RIMS2: variants seen among roughly 807,000 people sequenced by gnomAD.
The protein encoded by RIMS2 is regulating synaptic membrane exocytosis protein 2.
In RIMS2, 59 loss-of-function variants were observed where a neutral mutation model predicts 174.4. That is an observed-to-expected ratio of 0.34 (90% confidence interval 0.27 to 0.42). RIMS2 has a LOEUF of 0.42. Ranked by LOEUF, RIMS2 falls within the 10% of genes least tolerant of loss-of-function variation. The pLI, the probability that RIMS2 is intolerant of heterozygous loss-of-function variation, is 1.00. For synonymous variants in RIMS2, 606 were observed against 572.5 expected (o/e 1.06, Z -0.84); for missense variants, 1,620 against 1,666.3 (o/e 0.97, Z 0.48).
rs1388140327 is a variant in RIMS2, at chr8:103,785,191, G to T, written c.698+18654G>T. On this transcript the variant is annotated intron_variant, in intron 3 of 23. Coordinates refer to ENST00000504942, the Ensembl canonical transcript of RIMS2. ...TGGGCTGAGACGATGGGGTTTTCTA[G>T]ATATACAATCATGTCATCTGCAAAC... is the stretch of plus-strand genomic sequence containing the variant. 8.2e-3 allele frequency among the ~76,000 whole-genome samples: 1,194 copies of T among 145,854 alleles called. 23 individuals are homozygous for T. Among genetic ancestry groups the T allele is most frequent in the Non-Finnish European group, 0.013 (871 of 66,160 alleles).
intron 14 of RIMS2, among the ~76,000 whole-genome samples, chr8:103,959,372 T>C (rs907614114): frequency 2.0e-5 from 3 of 152,086 alleles, no homozygotes; most frequent in African/African-American, 7.2e-5. Flanking sequence ...CTGCTTTTAA[T>C]CTCTATTGTT....
At chr8:103,981,011 C>T (rs568454222) in intron 16 of RIMS2, among the ~76,000 whole-genome samples, 12 of 152,266 alleles carry the variant, frequency 7.9e-5, no homozygotes, top group East Asian at 1.9e-4. Context: ...CTTACCACCC[C>T]GAAGAGAAGT....
chr8:103,880,114 G>C (rs1182945704), intron 3 of RIMS2, among the ~76,000 whole-genome samples: 1 of 151,628 alleles, frequency 6.6e-6, no homozygotes, highest in Non-Finnish European at 1.5e-5. Flanking sequence ...TAATTGAAAA[G>C]AAGTTACAGA....
At chr8:103,867,187 T>C (rs2099088206) in intron 3 of RIMS2, among the ~76,000 whole-genome samples, 1 of 151,954 alleles carries the variant, frequency 6.6e-6, no homozygotes, top group South Asian at 2.1e-4. Flanking sequence ...TAGCCAGTTA[T>C]AGTTTCAGAA....
intron 19 of RIMS2, among the ~76,000 whole-genome samples, chr8:104,197,057 A>G (rs1426150407): frequency 6.6e-6 from 1 of 152,152 alleles, no homozygotes; most frequent in Non-Finnish European, 1.5e-5. Context: ...AAATTAAGAC[A>G]TATGTCTCTT....
intron 19 of RIMS2, among the ~76,000 whole-genome samples, chr8:104,042,260 A>G (rs1404744276): frequency 6.6e-6 from 1 of 151,574 alleles, no homozygotes; most frequent in East Asian, 1.9e-4. Flanking sequence ...TGTAGAGAGC[A>G]TTTCAGGCAG....
chr8:103,835,074 G>A (rs1265179710), intron 3 of RIMS2, among the ~76,000 whole-genome samples: 1 of 149,412 alleles, frequency 6.7e-6, no homozygotes, highest in Non-Finnish European at 1.5e-5. Flanking sequence ...ATCTGGCCAA[G>A]ACTGAGTTTT....
intron 1 of RIMS2, among the ~76,000 whole-genome samples, chr8:103,587,468 G>A (rs1468214529): frequency 3.1e-5 from 3 of 96,344 alleles, no homozygotes; most frequent in Admixed American, 1.0e-4. Context: ...AAGAAAGAAA[G>A]AAACTATGCA....
intron 2 of RIMS2, among the ~76,000 whole-genome samples, chr8:103,706,864 T>G (rs1383003288): frequency 2.6e-5 from 4 of 152,204 alleles, no homozygotes; most frequent in Admixed American, 2.0e-4. Context: ...ATTATTTCTT[T>G]AAATACATTT....
At chr8:104,194,421 A>T (rs927793859) in intron 19 of RIMS2, among the ~76,000 whole-genome samples, 1 of 152,222 alleles carries the variant, frequency 6.6e-6, no homozygotes, top group African/African-American at 2.4e-5. Flanking sequence ...AAACATCTTT[A>T]AATAAAGACT....
At chr8:104,207,746 G>C (rs950473478) in intron 19 of RIMS2, among the ~76,000 whole-genome samples, 1 of 151,874 alleles carries the variant, frequency 6.6e-6, no homozygotes, top group Non-Finnish European at 1.5e-5. Context: ...TCAGGAGGCA[G>C]AGATTGCAGT....
chr8:103,635,250 G>T lies in RIMS2; in HGVS notation c.177-61836G>T, dbSNP rs538597709. Among the ~76,000 whole-genome samples the T allele has an allele frequency of 2.5e-4, 38 of 152,326 alleles. No homozygotes were observed. In the South Asian group the frequency reaches 7.9e-3, roughly 32 times the overall value. On this transcript the variant is annotated intron_variant, in intron 1 of 23. Transcript: ENST00000504942. ...TGCTTCTTTCAAGATGTCTTGTGAG[G>T]CAGGTTTGGTGGTAAGGAAGTTTCT... is the stretch of plus-strand genomic sequence containing the variant.
intron 1 of RIMS2, among the ~76,000 whole-genome samples, chr8:103,528,297 T>C (rs1835108688): frequency 6.6e-6 from 1 of 152,184 alleles, no homozygotes; most frequent in Admixed American, 6.5e-5. Flanking sequence ...ATTAGCTGTT[T>C]GTCAGATCAG....
rs142629833 is a variant in RIMS2 at position 104,226,570 on chromosome 8, C to T, written c.3335-18346C>T. Among the ~76,000 whole-genome samples, 47 of 152,222 alleles carry T rather than the reference C, an allele frequency of 3.1e-4. 1 individual carries two copies. The highest frequency in any genetic ancestry group is 8.9e-4 in the African/African-American group (37 of 41,520). ...TTCCCTCTCAGAGCTTTCAGCCTAA[C>T]GGAGATAAGTAGACATTAATAGAAA... On this transcript the variant is annotated intron_variant, in intron 19 of 23. Coordinates refer to ENST00000504942, the Ensembl canonical transcript of RIMS2.
intron 19 of RIMS2, among the ~76,000 whole-genome samples, chr8:104,173,118 T>C (rs1715993913): frequency 6.6e-6 from 1 of 152,246 alleles, no homozygotes; most frequent in African/African-American, 2.4e-5. Flanking sequence ...TTTTGGTGCA[T>C]TTAACAATGC....
intron 19 of RIMS2, among the ~76,000 whole-genome samples, chr8:104,132,029 ATCT>A (rs1488944069): frequency 6.6e-6 from 1 of 152,200 alleles, no homozygotes; most frequent in East Asian, 1.9e-4. Flanking sequence ...TGCATCTGTA[ATCT>A]TCTAAATTCA....
chr8:103,873,809 G>A (rs1292442964), intron 3 of RIMS2, among the ~76,000 whole-genome samples: 1 of 151,924 alleles, frequency 6.6e-6, no homozygotes. Flanking sequence ...TTTCAGAAAG[G>A]AAAAACACAA....
chr8:103,852,197 A>G (rs1338180735), intron 3 of RIMS2, among the ~76,000 whole-genome samples: 1 of 152,024 alleles, frequency 6.6e-6, no homozygotes, highest in East Asian at 1.9e-4. Flanking sequence ...CCTGAGGGGA[A>G]TTAGCATTAA....
At chr8:103,801,032 G>T (rs375986200) in intron 3 of RIMS2, among the ~76,000 whole-genome samples, 1 of 151,262 alleles carries the variant, frequency 6.6e-6, no homozygotes, top group Non-Finnish European at 1.5e-5. Context: ...TTGCTTTGTC[G>T]CCCAGGCTGG....
Sources: allele counts gnomAD v4.1 joint callset (sites outside exome capture counted in the v4.1 genomes callset), GRCh38; gene constraint gnomAD v4.1.1; transcripts MANE v1.5; gene names NCBI Gene and HGNC (gene_info 2026-07-23, HGNC 2026-07-21).